Variants in CSMD1 observed in about 807,000 individuals in gnomAD.
CSMD1 encodes the protein CUB and Sushi multiple domains 1.
Under a neutral mutation model 417.5 loss-of-function variants are expected in CSMD1, and 213 were observed. That is an observed-to-expected ratio of 0.51 (90% CI 0.46 to 0.57). CSMD1 has a LOEUF of 0.57. CSMD1 is among the 20% of genes least tolerant of loss of function. The pLI is 0.00. For synonymous variants in CSMD1, 2,862 were observed against 1,736.8 expected, an observed-to-expected ratio of 1.65 and a Z score of -16.11; for missense variants, 6,923 against 4,529.7, an observed-to-expected ratio of 1.53 and a Z score of -15.17.
chr8:4,120,401 C>G (rs938875355), intron 3 of CSMD1, among the ~76,000 whole-genome samples: 2 of 152,076 alleles, frequency 1.3e-5, no homozygotes, highest in African/African-American at 4.8e-5. Context: ...GACCGTATGC[C>G]CATCCAATTG....
At chr8:4,884,686 A>C (rs1803621353) in intron 1 of CSMD1, among the ~76,000 whole-genome samples, 1 of 152,060 alleles carries the variant, frequency 6.6e-6, no homozygotes, top group Admixed American at 6.5e-5. Flanking sequence ...CCAGAAAAAT[A>C]AGGGTTTATT....
intron 46 of CSMD1, among the ~76,000 whole-genome samples, chr8:3,103,521 A>G (rs1015282790): frequency 1.3e-5 from 2 of 152,080 alleles, no homozygotes; most frequent in African/African-American, 4.8e-5. Flanking sequence ...TTGAAAAGGT[A>G]ATGCGTGGCC....
At chr8:3,429,793 C>T (rs1814101119) in intron 12 of CSMD1, among the ~76,000 whole-genome samples, 1 of 152,044 alleles carries the variant, frequency 6.6e-6, no homozygotes, top group African/African-American at 2.4e-5. Flanking sequence ...GTAATTTATA[C>T]CTTACCTATA....
intron 1 of CSMD1, among the ~76,000 whole-genome samples, chr8:4,758,040 T>A (rs1380721104): frequency 6.6e-6 from 1 of 151,996 alleles, no homozygotes; most frequent in African/African-American, 2.4e-5. Context: ...CAAACTCCCT[T>A]TAGGATATCT....
chr8:3,814,395 G>A (rs780914632), intron 5 of CSMD1, among the ~76,000 whole-genome samples: 1 of 152,130 alleles, frequency 6.6e-6, no homozygotes, highest in Admixed American at 6.5e-5. Flanking sequence ...TACTATATCA[G>A]GGAGTAAACT....
At chr8:3,679,721 A>G (rs1352404815) in intron 7 of CSMD1, among the ~76,000 whole-genome samples, 2 of 152,210 alleles carry the variant, frequency 1.3e-5, no homozygotes, top group African/African-American at 4.8e-5. Context: ...CCCCAAATCA[A>G]CAGAATATAC....
intron 1 of CSMD1, among the ~76,000 whole-genome samples, chr8:4,854,019 T>C (rs2116843487): frequency 6.6e-6 from 1 of 152,290 alleles, no homozygotes; most frequent in East Asian, 1.9e-4. Flanking sequence ...CAATTGTATC[T>C]TGGAAGTATG....
intron 18 of CSMD1, among the ~76,000 whole-genome samples, chr8:3,383,429 G>A (rs995094568): frequency 1.3e-5 from 2 of 151,986 alleles, no homozygotes; most frequent in African/African-American, 4.8e-5. Flanking sequence ...AAAACCTCAT[G>A]CATGGAGGGA....
At chr8:4,600,787 C>G (rs1800539319) in intron 2 of CSMD1, among the ~76,000 whole-genome samples, 3 of 152,120 alleles carry the variant, frequency 2.0e-5, no homozygotes, top group African/African-American at 4.8e-5. Context: ...TTAGTAACTT[C>G]AGACGTAAGA....
chr8:4,144,709 G>C (rs769713064), intron 3 of CSMD1, among the ~76,000 whole-genome samples: 4 of 151,054 alleles, frequency 2.6e-5, no homozygotes, highest in African/African-American at 9.9e-5. Context: ...GCAAAGAGTG[G>C]AGATTTCCTC....
chr8:3,109,486 T>C (rs763393226), intron 43 of CSMD1, among the ~76,000 whole-genome samples: 2 of 152,124 alleles, frequency 1.3e-5, no homozygotes, highest in Non-Finnish European at 2.9e-5. Context: ...GATGTCTGAT[T>C]TACTTCCACA....
At chr8:3,026,317 G>A (rs1215919421) in intron 51 of CSMD1, among the ~76,000 whole-genome samples, 1 of 151,760 alleles carries the variant, frequency 6.6e-6, no homozygotes, top group Non-Finnish European at 1.5e-5. Flanking sequence ...TTGGGAAGCT[G>A]ATCTGAACCT....
intron 52 of CSMD1, among the ~76,000 whole-genome samples, chr8:3,001,776 C>T (rs752299077): frequency 1.5e-4 from 23 of 152,152 alleles, no homozygotes; most frequent in Non-Finnish European, 3.1e-4. Context: ...CTTTCCCTGC[C>T]CACTTATTTC....
chr8:4,729,224 T>C (rs1809689948), intron 1 of CSMD1, among the ~76,000 whole-genome samples: 1 of 152,130 alleles, frequency 6.6e-6, no homozygotes. Flanking sequence ...AAGAGGGCAT[T>C]ATCACAGAAA....
In CSMD1 at chr8:3,809,774, G is replaced by C. The variant is rs115574053; in HGVS notation, c.819-55732C>G. The stretch of plus-strand genomic sequence containing the variant: ...GAGTTGAGACAACAGGAAAGTATTA[G>C]AATGGGGGGTTCTATGTCATTAGGA... On this transcript the variant is annotated intron_variant, in intron 5 of 69. Coordinates refer to ENST00000635120, the MANE Select transcript of CSMD1 (RefSeq NM_033225.6). Among the ~76,000 whole-genome samples the C allele has an allele frequency of 2.5e-3, 374 of 152,276 alleles. 4 individuals are homozygous for C. The highest frequency in any genetic ancestry group is 8.4e-3 in the African/African-American group (351 of 41,564).
At chr8:3,053,310 A>T (rs1195526472) in intron 49 of CSMD1, among the ~76,000 whole-genome samples, 3 of 152,194 alleles carry the variant, frequency 2.0e-5, no homozygotes, top group Non-Finnish European at 4.4e-5. Flanking sequence ...TTCATCTCAT[A>T]TTGGAAAGAA....
chr8:3,038,919 A>T (rs75846206), intron 50 of CSMD1, among the ~76,000 whole-genome samples: 6,960 of 152,232 alleles, frequency 0.046, 555 homozygotes, highest in African/African-American at 0.16. Flanking sequence ...AAGCCATAAA[A>T]ACCAGCAGTT....
At chr8:3,149,570 C>T (rs1017978411) in intron 40 of CSMD1, among the ~76,000 whole-genome samples, 3 of 152,122 alleles carry the variant, frequency 2.0e-5, no homozygotes, top group Admixed American at 6.5e-5. Flanking sequence ...CTCCACCTCC[C>T]GGGTTCAAGC....
chr8:3,722,403 G>A (rs376793976), intron 6 of CSMD1, among the ~76,000 whole-genome samples: 1 of 152,202 alleles, frequency 6.6e-6, no homozygotes, highest in South Asian at 2.1e-4. Flanking sequence ...CAGTAGCTAA[G>A]AAATCAACAT....
Sources: allele counts gnomAD v4.1 joint callset (sites outside exome capture counted in the v4.1 genomes callset), GRCh38; gene constraint gnomAD v4.1.1; transcripts MANE v1.5; gene names NCBI Gene and HGNC (gene_info 2026-07-23, HGNC 2026-07-21).